The following ZNF541 variants were observed in gnomAD, a reference collection of about 807,000 sequenced individuals.
ZNF541 encodes the protein zinc finger protein 541.
In ZNF541, 23 loss-of-function variants were observed where a neutral mutation model predicts 123.5. The observed-to-expected ratio is 0.19, with a 90% CI of 0.13 to 0.26. The LOEUF (loss-of-function observed/expected upper bound fraction) is 0.26. Ranked by LOEUF, ZNF541 falls within the 10% of genes least tolerant of loss-of-function variation. The pLI is 1.00. For missense variants in ZNF541, 1,612 were observed against 1,789.9 expected (o/e 0.90, Z 1.79); for synonymous variants, 751 against 754.5 (o/e 1.00, Z 0.08).
intron 10 of ZNF541, among the ~76,000 whole-genome samples, chr19:47,532,523 GGGAGGTACAAGCTGA>G (rs1969621205): frequency 6.6e-6 from 1 of 152,078 alleles, no homozygotes; most frequent in African/African-American, 2.4e-5. Flanking sequence ...GTCAAGGCAG[GGGAGGTACAAGCTGA>G]CACCCGGCAT....
At position 47,521,041 on chromosome 19, in the gene ZNF541, C is replaced by G; in HGVS notation, c.*183G>C. The G allele has an allele frequency of 1.5e-6, 1 of 673,026 alleles. No individual in the cohort carries two copies. The highest frequency in any genetic ancestry group is 2.9e-5 in the Admixed American group (1 of 34,426). The allele number at this position is 673,026 out of a possible 1,614,324, so 41.7% of individuals were successfully genotyped here. On this transcript the variant is annotated 3_prime_UTR_variant, in exon 17 of 17. Transcript: ENST00000391901. The surrounding 1 kb of genome is among the most constrained non-coding windows in gnomAD (Gnocchi z 4.2). ...GCACCACCGGACAGGGACTGCATAG[C>G]TGTCCGACAACTGAGCTCCTCCTGC...
At chr19:47,570,506 G>A (rs1045775736) in intron 2 of ZNF541, among the ~76,000 whole-genome samples, 2 of 145,876 alleles carry the variant, frequency 1.4e-5, no homozygotes, top group African/African-American at 5.1e-5. Context: ...GAACCTGGGA[G>A]GTAGAGTTTG....
At chr19:47,525,784 C>T (rs1316206477) in intron 14 of ZNF541, among the ~76,000 whole-genome samples, 1 of 151,918 alleles carries the variant, frequency 6.6e-6, no homozygotes, top group Non-Finnish European at 1.5e-5. Context: ...ATGGTGGTGG[C>T]ATGTGCCTGT....
chr19:47,533,194 C>A (rs1969656488), intron 9 of ZNF541, among the ~76,000 whole-genome samples: 2 of 151,066 alleles, frequency 1.3e-5, no homozygotes, highest in African/African-American at 2.4e-5. Flanking sequence ...CACAGTGAAA[C>A]CCTGTTCCTA....
intron 14 of ZNF541, among the ~76,000 whole-genome samples, chr19:47,522,786 G>A (rs531670683): frequency 3.7e-4 from 51 of 137,634 alleles, no homozygotes; most frequent in African/African-American, 8.3e-4. Context: ...TCGCTCTGTC[G>A]CCCAGGCTGG....
intron 1 of ZNF541, among the ~76,000 whole-genome samples, chr19:47,572,745 C>G (rs1599756047): frequency 1.5e-5 from 1 of 67,542 alleles, no homozygotes; most frequent in Non-Finnish European, 3.0e-5. Flanking sequence ...TGGGGGGCTG[C>G]GAGGGGGCAG....
In ZNF541 at chr19:47,528,931, C is replaced by A; in HGVS notation, c.3570+19G>T. On this transcript the variant is annotated intron_variant, in intron 14 of 16. Transcript: ENST00000391901. ...CTGTGTGAGGCAGGGCCTTGGACAC[C>A]AGCCCACATTCACTTTACCATCTTG... The A allele has an allele frequency of 1.3e-6, 2 of 1,544,828 alleles. No individual in the cohort carries two copies. The highest frequency in any genetic ancestry group is 1.8e-6 in the Non-Finnish European group (2 of 1,140,886).
intron 2 of ZNF541, among the ~76,000 whole-genome samples, chr19:47,559,400 AGAAG>A (rs890890070): frequency 2.6e-5 from 4 of 151,602 alleles, no homozygotes; most frequent in Non-Finnish European, 4.4e-5. Context: ...AAAGAAAGAA[AGAAG>A]GAAGGAAGGA....
At position 47,532,909 on chromosome 19, in the gene ZNF541, G is replaced by A. The variant is rs1969640973; in HGVS notation, c.3158C>T (p.Pro1053Leu). The A allele has an allele frequency of 6.5e-7, 1 of 1,549,774 alleles. No individual in the cohort carries two copies. Among genetic ancestry groups the A allele is most frequent in the African/African-American group, 1.4e-5 (1 of 72,854 alleles). The change falls in exon 10 of 17, where the codon CCA (proline) becomes CTA (leucine). Residue 1053 changes from proline (P) to leucine (L), a missense_variant and splice_region_variant. This residue lies in a region of ZNF541 where 285 missense variants were observed against 407.3 expected (regional missense o/e 0.70). Transcript: ENST00000391901. ...CTTCACTGGAAAGGACCCAACTTAC[G>A]GCTCAATGCTGATTTTGGTGTCATC... Reference protein sequence around the residue: ...VKDDTKISIEPHINIGSRFQA... With the variant: ...VKDDTKISIELHINIGSRFQA...
intron 9 of ZNF541, among the ~76,000 whole-genome samples, chr19:47,535,646 TA>T (rs1042657303): frequency 6.6e-6 from 1 of 151,880 alleles, no homozygotes; most frequent in African/African-American, 2.4e-5. Flanking sequence ...AACCTGTACA[TA>T]AGGCTGGGTG....
chr19:47,571,696 C>T (rs543272729), intron 2 of ZNF541, among the ~76,000 whole-genome samples, 200 bp downstream of exon 2: 1 of 152,322 alleles, frequency 6.6e-6, no homozygotes, highest in African/African-American at 2.4e-5. Context: ...AAACACACAT[C>T]AATCTATGTC....
intron 14 of ZNF541, among the ~76,000 whole-genome samples, chr19:47,526,343 G>A (rs906817553): frequency 6.6e-6 from 1 of 151,892 alleles, no homozygotes; most frequent in African/African-American, 2.4e-5. Flanking sequence ...TTAGCCAGGC[G>A]TGGTAGCAGG....
In ZNF541 at chr19:47,545,575, G is replaced by A; in HGVS notation, c.954C>T (p.Cys318=). 6.5e-7 allele frequency: 1 copy of A among 1,546,252 alleles called. No homozygotes were observed. The highest frequency in any genetic ancestry group is 8.7e-7 in the Non-Finnish European group (1 of 1,143,608). Residue 318 remains cysteine, a synonymous_variant, in exon 5 of 17, where the codon TGC becomes TGT. Transcript: ENST00000391901. This position sits in a 1 kb window ranked among gnomAD's most constrained non-coding sequence, Gnocchi z 7.5. ...PCPASSGSSS[C]TPAGPHAAPA... Reference sequence around the variant, plus strand: ...GGGCCGCGTGGGGGCCGGCTGGGGTGCAGGACGAGGACCCCGATGAGGCGG... The same window carrying A: ...GGGCCGCGTGGGGGCCGGCTGGGGTACAGGACGAGGACCCCGATGAGGCGG...
intron 2 of ZNF541, among the ~76,000 whole-genome samples, chr19:47,566,217 T>C (rs1971257116): frequency 6.6e-6 from 1 of 151,854 alleles, no homozygotes; most frequent in South Asian, 2.1e-4. Context: ...CATCATTCCA[T>C]GACTGGTGGG....
chr19:47,538,403 C>T lies in ZNF541; in HGVS notation c.2833G>A (p.Glu945Lys). ...TTCCGCTTTCTCTGCTGGCTGCTCTCCTTGCTGTCTCGCTCCTCCCCGTCT... is the reference window on the plus strand; with the variant it reads ...TTCCGCTTTCTCTGCTGGCTGCTCTTCTTGCTGTCTCGCTCCTCCCCGTCT... ...EKDGEERDSK[E>K]SSQQRKRKKR... The change falls in exon 9 of 17, where the codon GAG becomes AAG. Residue 945 changes from glutamate to lysine, a missense_variant. By Grantham distance (56) the Glu-to-Lys change is moderately conservative (BLOSUM62 1). Transcript: ENST00000391901. 2 of 1,540,244 alleles carry T rather than the reference C, an allele frequency of 1.3e-6. No homozygotes were observed. The highest frequency in any genetic ancestry group is 8.8e-7 in the Non-Finnish European group (1 of 1,141,250).
Position 47,545,400 on chromosome 19 carries a change from C to T in ZNF541, c.1129G>A (p.Ala377Thr), listed in dbSNP as rs1390938752. 1 of 1,507,662 alleles carries T rather than the reference C, an allele frequency of 6.6e-7. No individual in the cohort carries two copies. Among genetic ancestry groups the T allele is most frequent in the Non-Finnish European group, 8.9e-7 (1 of 1,125,672 alleles). The allele number at this position is 1,507,662 out of a possible 1,614,324, so 93.4% of individuals were successfully genotyped here. A position where few individuals can be genotyped will look rare whatever the true frequency, so the allele number is the denominator to read the frequency against. ...GGCCAGCACTCCGCGGTGGACCGGG[C>T]CTGGAGCAGCGCGGTATCTGGCTCC... is the stretch of plus-strand genomic sequence containing the variant. ...EPEPDTALLQ[A>T]RSTAECWPEG... The change falls in exon 5 of 17, where the codon GCC (alanine) becomes ACC (threonine). Residue 377 changes from alanine to threonine, a missense_variant. By Grantham distance (58) the Ala-to-Thr change is moderately conservative. Around this residue, in one of 5 missense-constraint regions of ZNF541, gnomAD observed 1,080 missense variants for 1,013.8 expected, o/e 1.07. Coordinates refer to ENST00000391901, the MANE Select transcript of ZNF541 (RefSeq NM_001277075.3). The surrounding 1 kb of genome is among the most constrained non-coding windows in gnomAD (Gnocchi z 7.5).
rs1326952928 is a variant in ZNF541, at chr19:47,521,419, A to G, written c.3888-42T>C. 5.2e-6 allele frequency: 8 copies of G among 1,550,548 alleles called. No individual in the cohort carries two copies. Among genetic ancestry groups the G allele is most frequent in the Non-Finnish European group, 7.0e-6 (8 of 1,146,048 alleles). On this transcript the variant is annotated intron_variant, in intron 16 of 16. Transcript: ENST00000391901. The surrounding 1 kb of genome is among the most constrained non-coding windows in gnomAD (Gnocchi z 4.2). ...GGACATGGGGTCAGAGCAGGGAGGA[A>G]GGGATCACAGGGGCTGAGGCTGGGA...
intron 3 of ZNF541, 94 bp downstream of exon 3, chr19:47,555,456 T>A: frequency 3.8e-6 from 5 of 1,306,292 alleles, no homozygotes; most frequent in East Asian, 2.7e-5. Flanking sequence ...GAGGGAAAAA[T>A]TTTCTTAACC....
intron 6 of ZNF541, 33 bp from the exon 7 acceptor site, chr19:47,540,368 A>G: frequency 6.5e-7 from 1 of 1,529,232 alleles, no homozygotes. Context: ...AGAGTGGGAG[A>G]TTAGGACTCT....
Sources: gnomAD v4.1 joint callset for allele counts (sites outside exome capture counted in the v4.1 genomes callset) on GRCh38, gnomAD v4.1.1 for gene constraint, gnomAD v4.1.1 regional missense constraint, Gnocchi (gnomAD v3.1) non-coding constraint, MANE v1.5 for transcripts, NCBI Gene and HGNC (gene_info 2026-07-23, HGNC 2026-07-21) for gene names.